Variants in NEK6 observed in about 807,000 individuals in gnomAD.
NEK6 encodes NIMA related kinase 6, also known as serine/threonine-protein kinase Nek6.
Under a neutral mutation model 43.5 loss-of-function variants are expected in NEK6, and 27 were observed. The ratio of observed to expected loss-of-function variants is 0.62; its 90% CI spans 0.46 to 0.86. The LOEUF (loss-of-function observed/expected upper bound fraction) is 0.86. Ranked by LOEUF, NEK6 falls within the 40% of genes least tolerant of loss-of-function variation. The pLI is 0.00. For synonymous variants in NEK6, 167 were observed against 164.1 expected (o/e 1.02, Z -0.14); for missense variants, 318 against 414.4 (o/e 0.77, Z 2.02).
At chr9:124,296,083 C>T (rs1564628876) in intron 1 of NEK6, among the ~76,000 whole-genome samples, 1 of 152,256 alleles carries the variant, frequency 6.6e-6, no homozygotes, top group Non-Finnish European at 1.5e-5. Context: ...CTTCAGCTCC[C>T]TGGGGCATGT....
chr9:124,308,474 A>G (rs1376848653), intron 2 of NEK6, among the ~76,000 whole-genome samples: 1 of 152,164 alleles, frequency 6.6e-6, no homozygotes, highest in East Asian at 1.9e-4. Flanking sequence ...CAACATGGTG[A>G]AACCCCATCT....
At chr9:124,307,571 G>A (rs929847160) in intron 2 of NEK6, among the ~76,000 whole-genome samples, 2 of 152,142 alleles carry the variant, frequency 1.3e-5, no homozygotes, top group African/African-American at 2.4e-5. Flanking sequence ...TGGTGACACC[G>A]CAGGGTCAGC....
At chr9:124,345,454 A>C (rs980043214) in intron 8 of NEK6, among the ~76,000 whole-genome samples, 2 of 152,168 alleles carry the variant, frequency 1.3e-5, no homozygotes, top group Non-Finnish European at 2.9e-5. Context: ...CCCCATTCAA[A>C]AGGCTTTTCT....
intron 1 of NEK6, 55 bp downstream of exon 1, chr9:124,258,140 G>A: frequency 1.0e-6 from 1 of 978,128 alleles, no homozygotes; most frequent in Non-Finnish European, 1.2e-6. Context: ...CCGGAGAAGG[G>A]CGGGGGCCGG....
intron 7 of NEK6, among the ~76,000 whole-genome samples, chr9:124,334,952 C>CT (rs1245712806): frequency 1.3e-5 from 2 of 152,180 alleles, no homozygotes; most frequent in East Asian, 3.9e-4. Context: ...TGGGAAGAGC[C>CT]TGTAGGGTCA....
rs1830233374 is a variant in NEK6 at position 124,350,851 on chromosome 9, C to G, written c.846C>G (p.Val282=). ...EHYSEKLREL[V]SMCICPDPHQ... ...CTCCCCTGCAGTTACGAGAACTGGT[C>G]AGCATGTGCATCTGCCCTGACCCCC... The change falls in exon 10 of 10, where the codon GTC becomes GTG. Residue 282 remains valine (V), a synonymous_variant. Coordinates refer to ENST00000320246, the MANE Select transcript of NEK6 (RefSeq NM_014397.6). 6.2e-7 allele frequency: 1 copy of G among 1,612,470 alleles called. No individual in the cohort carries two copies. The highest frequency in any genetic ancestry group is 1.3e-5 in the African/African-American group (1 of 74,924).
intron 1 of NEK6, among the ~76,000 whole-genome samples, chr9:124,264,721 G>A (rs568494597): frequency 1.1e-4 from 17 of 150,774 alleles, no homozygotes; most frequent in African/African-American, 2.9e-4. Flanking sequence ...AGCCTGAGGC[G>A]TGAGAATCAC....
At chr9:124,262,306 T>C (rs967671416) in intron 1 of NEK6, among the ~76,000 whole-genome samples, 2 of 152,230 alleles carry the variant, frequency 1.3e-5, no homozygotes, top group Admixed American at 6.5e-5. Context: ...ACTAAACCAA[T>C]GGCCTTCTCA....
chr9:124,312,389 G>T, intron 2 of NEK6, 120 bp from the exon 3 acceptor site: 2 of 1,201,120 alleles, frequency 1.7e-6, no homozygotes, highest in Non-Finnish European at 2.3e-6. Context: ...GAGCAGGGTT[G>T]GCAGCAGAGT....
intron 1 of NEK6, among the ~76,000 whole-genome samples, chr9:124,279,896 G>T (rs1831819491): frequency 6.6e-6 from 1 of 152,210 alleles, no homozygotes; most frequent in African/African-American, 2.4e-5. Flanking sequence ...TCTCTCTCTT[G>T]TCCACTCCTG....
intron 1 of NEK6, chr9:124,259,619 CTGCGTCCCCCACCCCCAAATAAAATA>C (rs1429182285): frequency 1.3e-5 from 2 of 152,188 alleles, no homozygotes; most frequent in African/African-American, 4.8e-5. Flanking sequence ...CAAGCCCTCG[CTGCGTCCCCCACCCCCAAATAAAATA>C]TGCCTGTGGG....
At chr9:124,304,081 G>A (rs535225664) in intron 2 of NEK6, among the ~76,000 whole-genome samples, 47 of 152,344 alleles carry the variant, frequency 3.1e-4, no homozygotes, top group Admixed American at 1.2e-3. Context: ...AGCGGCTGTC[G>A]GGCAACGATG....
At position 124,351,610 on chromosome 9, in the gene NEK6, C is replaced by T. The variant is rs1331431987; in HGVS notation, c.*663C>T. ...GGCTGGGCCATCTTCTCCTGGACACCTGCTGTGTACCAGGAACTTCGTCAC... is the reference window on the plus strand; with the variant it reads ...GGCTGGGCCATCTTCTCCTGGACACTTGCTGTGTACCAGGAACTTCGTCAC... On this transcript the variant is annotated 3_prime_UTR_variant, in exon 10 of 10. Transcript: ENST00000320246. 1 of 152,266 alleles carries T rather than the reference C, an allele frequency of 6.6e-6. No individual in the cohort carries two copies. Among genetic ancestry groups the T allele is most frequent in the African/African-American group, 2.4e-5 (1 of 41,440 alleles). 9.4% of individuals were successfully genotyped at this position (152,266 alleles called of 1,614,324 possible).
chr9:124,314,435 A>T (rs1588500771), intron 4 of NEK6, among the ~76,000 whole-genome samples: 2 of 141,212 alleles, frequency 1.4e-5, no homozygotes, highest in African/African-American at 2.7e-5. Flanking sequence ...TCCTCTTTCC[A>T]TCTCTCCTCT....
At chr9:124,291,547 A>T (rs888760901) in intron 1 of NEK6, among the ~76,000 whole-genome samples, 71 of 152,008 alleles carry the variant, frequency 4.7e-4, no homozygotes, top group African/African-American at 1.6e-3. Flanking sequence ...AATCGCTTGA[A>T]CCTCGGAGGC....
chr9:124,304,323 C>G (rs1306916838), intron 2 of NEK6, among the ~76,000 whole-genome samples: 1 of 152,202 alleles, frequency 6.6e-6, no homozygotes, highest in Non-Finnish European at 1.5e-5. Flanking sequence ...GCAGGAGGCA[C>G]CGCTGCTTCC....
intron 1 of NEK6, among the ~76,000 whole-genome samples, chr9:124,265,289 C>T (rs564728098): frequency 1.1e-4 from 16 of 152,236 alleles, no homozygotes; most frequent in South Asian, 6.2e-4. Context: ...TTTGGGAGGC[C>T]GAGGCAGGCG....
chr9:124,281,118 T>G (rs1023833281), intron 1 of NEK6, among the ~76,000 whole-genome samples: 1 of 152,240 alleles, frequency 6.6e-6, no homozygotes, highest in African/African-American at 2.4e-5. Context: ...TTCGCTTGTG[T>G]TTTCTTTTCT....
intron 8 of NEK6, among the ~76,000 whole-genome samples, chr9:124,341,707 T>TG (rs895531791): frequency 2.0e-5 from 3 of 150,896 alleles, no homozygotes; most frequent in African/African-American, 7.3e-5. Context: ...CTGGGTGGGT[T>TG]GGGGCGGCGA....
Sources: gnomAD v4.1 joint callset for allele counts (sites outside exome capture counted in the v4.1 genomes callset) on GRCh38, gnomAD v4.1.1 for gene constraint, MANE v1.5 for transcripts, NCBI Gene and HGNC (gene_info 2026-07-23, HGNC 2026-07-21) for gene names.